The following WWOX variants were observed in gnomAD, a reference collection of about 807,000 sequenced individuals.
The protein encoded by WWOX is WW domain-containing oxidoreductase.
A neutral mutation model predicts 46.2 loss-of-function variants in WWOX; 69 were observed. The ratio of observed to expected loss-of-function variants is 1.49; its 90% confidence interval spans 1.23 to 1.82. The LOEUF (loss-of-function observed/expected upper bound fraction) is 1.82. Among genes scored for constraint, WWOX ranks in the 40% most tolerant of loss-of-function variants. WWOX has a pLI of 0.00. For missense variants in WWOX, 919 were observed against 542.6 expected, an observed-to-expected ratio of 1.69 and a Z score of -6.89; for synonymous variants, 359 against 202.6, an observed-to-expected ratio of 1.77 and a Z score of -6.56.
intron 8 of WWOX, among the ~76,000 whole-genome samples, chr16:78,710,892 C>T (rs1173200458): frequency 6.6e-6 from 1 of 152,132 alleles, no homozygotes; most frequent in East Asian, 1.9e-4. Context: ...GCTGGGATTA[C>T]AGGTGTGAGC....
intron 8 of WWOX, among the ~76,000 whole-genome samples, chr16:79,026,126 G>C (rs967705268): frequency 6.6e-6 from 1 of 151,508 alleles, no homozygotes; most frequent in African/African-American, 2.4e-5. Flanking sequence ...AAAACACTAA[G>C]TGCATCATGT....
chr16:78,432,477 C>T lies in WWOX; in HGVS notation c.792-11C>T. ...ACTTGGTTGCTTCATGTCATATTTC[C>T]TATTTTTAAGATTTACAGATATTAA... On this transcript the variant is annotated splice_polypyrimidine_tract_variant and intron_variant, in intron 7 of 8. Coordinates refer to ENST00000566780, the MANE Select transcript of WWOX (RefSeq NM_016373.4). 2.5e-6 allele frequency: 4 copies of T among 1,610,968 alleles called. No individual in the cohort carries two copies. The highest frequency in any genetic ancestry group is 3.4e-6 in the Non-Finnish European group (4 of 1,178,524).
chr16:78,683,263 C>G (rs1377298193), intron 8 of WWOX, among the ~76,000 whole-genome samples: 1 of 151,930 alleles, frequency 6.6e-6, no homozygotes, highest in Non-Finnish European at 1.5e-5. Context: ...GTAATCTTAG[C>G]ACTTTGGGAG....
intron 8 of WWOX, among the ~76,000 whole-genome samples, chr16:78,464,586 G>C (rs890328109): frequency 3.3e-5 from 5 of 152,176 alleles, no homozygotes; most frequent in Non-Finnish European, 1.5e-5. Context: ...TAAAGGTGCA[G>C]GTTAGAGGCT....
At chr16:78,210,708 C>G (rs1208746166) in intron 5 of WWOX, among the ~76,000 whole-genome samples, 1 of 152,136 alleles carries the variant, frequency 6.6e-6, no homozygotes, top group East Asian at 1.9e-4. Context: ...TTTCCTTAAT[C>G]AATGTAAATT....
At position 78,388,050 on chromosome 16, in the gene WWOX, A is replaced by G. The variant is rs530560360; in HGVS notation, c.605+1102A>G. Among the ~76,000 whole-genome samples the G allele has an allele frequency of 7.9e-5, 12 of 152,210 alleles. No individual in the cohort carries two copies. The South Asian group carries it at 1.5e-3, about 18-fold the overall frequency. ...ACACCACACTGCTGTCTAGTGTCCA[A>G]TTCTCCTTGCATGGCTGTGTCACCC... is the stretch of plus-strand genomic sequence containing the variant. On this transcript the variant is annotated intron_variant, in intron 6 of 8. Coordinates refer to ENST00000566780, the MANE Select transcript of WWOX (RefSeq NM_016373.4).
At chr16:78,459,818 T>C (rs1457949816) in intron 8 of WWOX, among the ~76,000 whole-genome samples, 8 of 152,038 alleles carry the variant, frequency 5.3e-5, no homozygotes, top group Non-Finnish European at 1.0e-4. Context: ...TTAATTCTTT[T>C]TGAGACAGGG....
In WWOX at chr16:79,205,942, A is replaced by G. The variant is rs568916082; in HGVS notation, c.1057-5666A>G. The G allele has an allele frequency of 3.9e-5, 6 of 152,238 alleles. 1 individual carries two copies. The highest frequency in any genetic ancestry group is 1.4e-4 in the African/African-American group (6 of 41,534). 9.4% of individuals were successfully genotyped at this position (152,238 alleles called of 1,614,324 possible). Reference sequence around the variant, plus strand: ...TGTATGGGATGTCGGTGCTTTGAAAAAATTCTATCATCAAAGAGTAGGTTT... The same window carrying G: ...TGTATGGGATGTCGGTGCTTTGAAAGAATTCTATCATCAAAGAGTAGGTTT... On this transcript the variant is annotated intron_variant, in intron 8 of 8. Coordinates refer to ENST00000566780, the MANE Select transcript of WWOX (RefSeq NM_016373.4).
At chr16:78,484,082 A>G (rs999625267) in intron 8 of WWOX, among the ~76,000 whole-genome samples, 2 of 152,208 alleles carry the variant, frequency 1.3e-5, no homozygotes, top group Non-Finnish European at 1.5e-5. Context: ...CACTTTATCA[A>G]TTTTGAAGGA....
rs148969125 is a variant in WWOX at position 78,886,158 on chromosome 16, T to G, written c.1057-325450T>G. 2.8e-3 allele frequency among the ~76,000 whole-genome samples: 426 copies of G among 151,540 alleles called. 4 individuals are homozygous for G. Among genetic ancestry groups the G allele is most frequent in the African/African-American group, 9.2e-3 (381 of 41,318 alleles). On this transcript the variant is annotated intron_variant, in intron 8 of 8. Transcript: ENST00000566780. ...CAGGCAGGTCTTGAAGTCCTGACCT[T>G]AAGTGATCCACCCTCCTCGGCCTCC... is the stretch of plus-strand genomic sequence containing the variant.
At chr16:79,068,429 A>G (rs2048481935) in intron 8 of WWOX, among the ~76,000 whole-genome samples, 1 of 152,050 alleles carries the variant, frequency 6.6e-6, no homozygotes, top group South Asian at 2.1e-4. Flanking sequence ...GCTGCCTGAC[A>G]CACTCCTTCC....
intron 8 of WWOX, among the ~76,000 whole-genome samples, chr16:78,518,034 C>T (rs2043275396): frequency 6.6e-6 from 1 of 151,764 alleles, no homozygotes; most frequent in South Asian, 2.1e-4. Flanking sequence ...CTTCCTATGT[C>T]TTTGAGCTTG....
intron 8 of WWOX, among the ~76,000 whole-genome samples, chr16:79,119,610 C>T (rs945655118): frequency 2.0e-5 from 3 of 152,170 alleles, no homozygotes; most frequent in African/African-American, 7.2e-5. Context: ...GGCATGGATT[C>T]AATAATGTGC....
chr16:78,501,597 TG>T (rs1211591498), intron 8 of WWOX, among the ~76,000 whole-genome samples: 1 of 151,626 alleles, frequency 6.6e-6, no homozygotes, highest in Non-Finnish European at 1.5e-5. Context: ...AGTGCAGTGG[TG>T]GGATCTTGGC....
chr16:78,793,693 A>G (rs1455254197), intron 8 of WWOX, among the ~76,000 whole-genome samples: 1 of 152,184 alleles, frequency 6.6e-6, no homozygotes, highest in Non-Finnish European at 1.5e-5. Flanking sequence ...ACTTATAATT[A>G]CATTCAGAAA....
chr16:78,996,991 C>G (rs556749623), intron 8 of WWOX, among the ~76,000 whole-genome samples: 2 of 152,360 alleles, frequency 1.3e-5, no homozygotes, highest in Non-Finnish European at 2.9e-5. Context: ...TTGGCAGTCC[C>G]TCGCTCAAAT....
intron 8 of WWOX, among the ~76,000 whole-genome samples, chr16:78,480,804 G>A (rs556436725): frequency 6.6e-6 from 1 of 152,198 alleles, no homozygotes; most frequent in Non-Finnish European, 1.5e-5. Context: ...GCTTTGAAAT[G>A]TATTGTAGTT....
intron 8 of WWOX, among the ~76,000 whole-genome samples, chr16:78,665,983 C>G (rs1000010968): frequency 1.3e-5 from 2 of 151,850 alleles, no homozygotes; most frequent in African/African-American, 4.8e-5. Context: ...CTGCGCCTGG[C>G]CAAGATACTG....
chr16:78,921,876 T>C (rs2045387603), intron 8 of WWOX, among the ~76,000 whole-genome samples: 1 of 152,218 alleles, frequency 6.6e-6, no homozygotes, highest in Non-Finnish European at 1.5e-5. Flanking sequence ...TTGTGGCACT[T>C]AGCAGAAGCT....
Sources: gnomAD v4.1 joint callset for allele counts (sites outside exome capture counted in the v4.1 genomes callset) on GRCh38, gnomAD v4.1.1 for gene constraint, MANE v1.5 for transcripts, NCBI Gene and HGNC (gene_info 2026-07-23, HGNC 2026-07-21) for gene names.